The following NRCAM variants were observed in gnomAD, a reference collection of about 807,000 sequenced individuals.
NRCAM encodes the protein neuronal cell adhesion molecule.
NRCAM carries 83 observed loss-of-function variants against 156.5 expected under a neutral mutation model. The observed-to-expected ratio is 0.53, with a 90% CI of 0.44 to 0.64. The LOEUF is 0.64. Ranked by LOEUF, NRCAM falls within the 30% of genes least tolerant of loss-of-function variation. NRCAM has a pLI of 0.00. For missense variants in NRCAM, 1,417 were observed against 1,597.3 expected, an observed-to-expected ratio of 0.89 and a Z score of 1.92; for synonymous variants, 538 against 563.9, an observed-to-expected ratio of 0.95 and a Z score of 0.65.
intron 28 of NRCAM, among the ~76,000 whole-genome samples, chr7:108,174,173 A>G (rs1172579192): frequency 6.6e-6 from 1 of 152,246 alleles, no homozygotes; most frequent in East Asian, 1.9e-4. Flanking sequence ...TGATATAGAA[A>G]TTTTGAATTT....
At chr7:108,164,300 G>T (rs192685206) in intron 30 of NRCAM, among the ~76,000 whole-genome samples, 1 of 152,026 alleles carries the variant, frequency 6.6e-6, no homozygotes, top group Non-Finnish European at 1.5e-5. Context: ...CGCCTATCTC[G>T]TCTGTTTTTC....
intron 32 of NRCAM, among the ~76,000 whole-genome samples, chr7:108,158,787 A>G (rs756351842): frequency 1.5e-4 from 23 of 152,196 alleles, no homozygotes; most frequent in Non-Finnish European, 2.4e-4. Flanking sequence ...AAACAAATCT[A>G]AAGTAATCTT....
At chr7:108,247,253 C>T (rs1048363880) in intron 3 of NRCAM, among the ~76,000 whole-genome samples, 1 of 152,148 alleles carries the variant, frequency 6.6e-6, no homozygotes, top group African/African-American at 2.4e-5. Context: ...TAGATATCTG[C>T]AATAATGAAT....
intron 3 of NRCAM, among the ~76,000 whole-genome samples, chr7:108,310,486 A>C (rs1488263637): frequency 1.3e-5 from 2 of 152,178 alleles, no homozygotes; most frequent in Non-Finnish European, 2.9e-5. Flanking sequence ...AAACAGAAGG[A>C]TGTGGGATGG....
At chr7:108,268,617 G>GGC (rs1362478301) in intron 3 of NRCAM, among the ~76,000 whole-genome samples, 22 of 119,188 alleles carry the variant, frequency 1.8e-4, no homozygotes, top group East Asian at 3.2e-4. Flanking sequence ...GCGGGGCGGG[G>GGC]GTGGGGGTGG....
At chr7:108,214,202 T>C (rs2086452572) in intron 11 of NRCAM, among the ~76,000 whole-genome samples, 1 of 152,208 alleles carries the variant, frequency 6.6e-6, no homozygotes, top group Admixed American at 6.5e-5. Context: ...TCTGGTAGAA[T>C]TTGGCTGTAA....
chr7:108,372,496 A>C (rs1025499078), intron 2 of NRCAM, among the ~76,000 whole-genome samples: 5 of 152,182 alleles, frequency 3.3e-5, no homozygotes, highest in Non-Finnish European at 7.3e-5. Context: ...GAACTCCTAT[A>C]ACTCAATAGT....
intron 1 of NRCAM, among the ~76,000 whole-genome samples, chr7:108,425,722 C>G (rs4730310): frequency 0.9 from 136,827 of 152,264 alleles, 61,955 homozygotes; most frequent in East Asian, 1. Context: ...ATTGACCTGT[C>G]TGGCTCTAGA....
chr7:108,264,800 C>T (rs541533066), intron 3 of NRCAM, among the ~76,000 whole-genome samples: 19 of 152,286 alleles, frequency 1.2e-4, no homozygotes, highest in Non-Finnish European at 2.2e-4. Flanking sequence ...TAATTGACCT[C>T]GTTGAGTTTC....
chr7:108,375,820 C>T (rs566175626), intron 2 of NRCAM, among the ~76,000 whole-genome samples: 1 of 152,250 alleles, frequency 6.6e-6, no homozygotes, highest in East Asian at 1.9e-4. Context: ...GTCATCTGTC[C>T]AGTCTCTTGT....
chr7:108,167,099 C>T, intron 29 of NRCAM, 26 bp from the exon 30 acceptor site: 9 of 1,593,642 alleles, frequency 5.6e-6, no homozygotes, highest in Non-Finnish European at 7.7e-6. Context: ...AAAAACAACA[C>T]ATTTGAATAT....
chr7:108,150,337 C>A (rs936161123), intron 32 of NRCAM, among the ~76,000 whole-genome samples, 190 bp from the exon 33 acceptor site: 1 of 152,130 alleles, frequency 6.6e-6, no homozygotes, highest in Non-Finnish European at 1.5e-5. Context: ...ATGGTTGAAT[C>A]ATGAAGTCTT....
intron 2 of NRCAM, among the ~76,000 whole-genome samples, chr7:108,357,488 G>A (rs1178545465): frequency 6.6e-6 from 1 of 151,986 alleles, no homozygotes; most frequent in African/African-American, 2.4e-5. Context: ...CTGCCACCAC[G>A]ACTGGCTCAT....
At chr7:108,446,560 G>T (rs552296889) in intron 1 of NRCAM, among the ~76,000 whole-genome samples, 1 of 152,156 alleles carries the variant, frequency 6.6e-6, no homozygotes, top group Non-Finnish European at 1.5e-5. Flanking sequence ...GATGGTTTCC[G>T]AAGTTAGGAG....
chr7:108,232,475 G>A lies in NRCAM; in HGVS notation c.278C>T (p.Pro93Leu), dbSNP rs767067139. 4 of 1,613,434 alleles carry A rather than the reference G, an allele frequency of 2.5e-6. No individual in the cohort carries two copies. Among genetic ancestry groups the A allele is most frequent in the East Asian group, 4.5e-5 (2 of 44,846 alleles). The change falls in exon 7 of 33, where the codon CCT becomes CTT. Residue 93 changes from proline to leucine, a missense_variant. Physicochemically the swap from Pro to Leu is moderately conservative, Grantham distance 98 (BLOSUM62 -3). Transcript: ENST00000379028. ...TGTGCCAGGCTTCATGGTGACCAGA[G>A]GGTCTTTATCGATGTCAAAATGAGT... is the stretch of plus-strand genomic sequence containing the variant. The part of the protein sequence containing the change: ...NGTHFDIDKD[P>L]LVTMKPGTGT...
At chr7:108,313,584 C>T (rs1016165674) in intron 2 of NRCAM, among the ~76,000 whole-genome samples, 2 of 152,150 alleles carry the variant, frequency 1.3e-5, no homozygotes, top group Non-Finnish European at 2.9e-5. Flanking sequence ...ATAAAAGATG[C>T]TTAATAATCT....
At chr7:108,379,967 T>A (rs1029796103) in intron 2 of NRCAM, among the ~76,000 whole-genome samples, 1 of 152,146 alleles carries the variant, frequency 6.6e-6, no homozygotes. Flanking sequence ...TTTTCTGTAA[T>A]TGATGAAAGA....
At chr7:108,439,648 A>G (rs1023386243) in intron 1 of NRCAM, among the ~76,000 whole-genome samples, 10 of 151,952 alleles carry the variant, frequency 6.6e-5, no homozygotes, top group African/African-American at 2.4e-4. Flanking sequence ...TGAGGTCAGG[A>G]GTTTGAGACC....
chr7:108,195,634 T>G (rs2074603814), intron 15 of NRCAM, 127 bp downstream of exon 15: 3 of 622,786 alleles, frequency 4.8e-6, no homozygotes, highest in Non-Finnish European at 8.6e-6. Context: ...AAAAAATATA[T>G]TAACAGTGTA....
Sources: allele counts gnomAD v4.1 joint callset (sites outside exome capture counted in the v4.1 genomes callset), GRCh38; gene constraint gnomAD v4.1.1; transcripts MANE v1.5; gene names NCBI Gene and HGNC (gene_info 2026-07-23, HGNC 2026-07-21).